The following SLMAP variants were observed in gnomAD, a reference collection of about 807,000 sequenced individuals.
SLMAP encodes sarcolemmal membrane-associated protein.
Under a neutral mutation model 128.8 loss-of-function variants are expected in SLMAP, and 44 were observed. The observed-to-expected ratio is 0.34, with a 90% CI of 0.27 to 0.44. The LOEUF (loss-of-function observed/expected upper bound fraction) is 0.44. Among genes scored for constraint, SLMAP ranks in the 20% least tolerant of loss-of-function variants. SLMAP has a pLI of 1.00. For missense variants in SLMAP, 787 were observed against 985.3 expected, an observed-to-expected ratio of 0.80 and a Z score of 2.69; for synonymous variants, 327 against 348.8, an observed-to-expected ratio of 0.94 and a Z score of 0.70.
intron 2 of SLMAP, among the ~76,000 whole-genome samples, chr3:57,803,031 A>G (rs535155532): frequency 2.4e-4 from 37 of 152,346 alleles, no homozygotes; most frequent in Non-Finnish European, 4.4e-5. Flanking sequence ...GAAAAGTTCT[A>G]AACTATGCAG....
chr3:57,864,841 A>T lies in SLMAP; in HGVS notation c.1170A>T (p.Lys390Asn), dbSNP rs2095249790. 1 of 1,582,774 alleles carries T rather than the reference A, an allele frequency of 6.3e-7. No homozygotes were observed. Among genetic ancestry groups the T allele is most frequent in the Non-Finnish European group, 8.6e-7 (1 of 1,166,028 alleles). Residue 390 changes from lysine to asparagine, a missense_variant, in exon 12 of 25, where the codon AAA (lysine) becomes AAT (asparagine). This residue lies in a region of SLMAP where 715 missense variants were observed against 843.6 expected (regional missense o/e 0.85). Transcript: ENST00000671191. ...AACATCTTCAGGAGAAAACTCTTAA[A>T]GAATGCAGCAGCTTGGGTAGGTGGC... Reference protein sequence around the residue: ...RLEHLQEKTLKECSSLGIQVD... With the variant: ...RLEHLQEKTLNECSSLGIQVD...
intron 2 of SLMAP, among the ~76,000 whole-genome samples, chr3:57,817,852 T>G (rs2092054297): frequency 6.6e-6 from 1 of 152,200 alleles, no homozygotes; most frequent in Non-Finnish European, 1.5e-5. Context: ...TGAAAGAAAT[T>G]TTTAAAAGCT....
intron 3 of SLMAP, among the ~76,000 whole-genome samples, chr3:57,832,664 T>C (rs954669121): frequency 1.3e-5 from 2 of 152,122 alleles, no homozygotes; most frequent in African/African-American, 4.8e-5. Context: ...GTAGAGATGG[T>C]GATGGTGGTG....
intron 2 of SLMAP, among the ~76,000 whole-genome samples, chr3:57,779,242 T>TCA (rs2082509880): frequency 6.6e-6 from 1 of 152,152 alleles, no homozygotes; most frequent in African/African-American, 2.4e-5. Context: ...GCGCAGTGGC[T>TCA]CACACTTGTA....
intron 14 of SLMAP, among the ~76,000 whole-genome samples, chr3:57,878,945 C>G (rs2095664228): frequency 1.3e-5 from 2 of 152,322 alleles, no homozygotes; most frequent in African/African-American, 4.8e-5. Flanking sequence ...CCCTAGGAAA[C>G]TGACATCAGT....
At chr3:57,780,854 G>T (rs1160929808) in intron 2 of SLMAP, among the ~76,000 whole-genome samples, 1 of 151,752 alleles carries the variant, frequency 6.6e-6, no homozygotes, top group Non-Finnish European at 1.5e-5. Flanking sequence ...TGTTGCCCAG[G>T]CTGGTCTTGA....
At chr3:57,809,864 G>T (rs999543652) in intron 2 of SLMAP, among the ~76,000 whole-genome samples, 19 of 152,186 alleles carry the variant, frequency 1.2e-4, no homozygotes, top group Non-Finnish European at 2.6e-4. Context: ...TCTTTGCCTT[G>T]CTCACCCTCC....
Position 57,808,875 on chromosome 3 carries a change from T to C in SLMAP, c.199-22508T>C, listed in dbSNP as rs143042791. Reference sequence around the variant, plus strand: ...GGGTGTTAAAGTCTCCCACTATTATTATGTAGCAGTCTAAGTCTCTTTGTA... The same window carrying C: ...GGGTGTTAAAGTCTCCCACTATTATCATGTAGCAGTCTAAGTCTCTTTGTA... On this transcript the variant is annotated intron_variant, in intron 2 of 24. Transcript: ENST00000671191. Among the ~76,000 whole-genome samples, 115 of 152,348 alleles carry C rather than the reference T, an allele frequency of 7.5e-4. 1 individual carries two copies. Among genetic ancestry groups the C allele is most frequent in the African/African-American group, 2.3e-3 (95 of 41,568 alleles).
At position 57,893,448 on chromosome 3, in the gene SLMAP, A is replaced by G. The variant is rs143414490; in HGVS notation, c.1361-3063A>G. Among the ~76,000 whole-genome samples, 625 of 151,478 alleles carry G rather than the reference A, an allele frequency of 4.1e-3. 6 individuals carry two copies. Among genetic ancestry groups the G allele is most frequent in the African/African-American group, 0.015 (606 of 41,350 alleles). On this transcript the variant is annotated intron_variant, in intron 15 of 24. Coordinates refer to ENST00000671191, the MANE Select transcript of SLMAP (RefSeq NM_001377540.1). ...GAAAAATAAAAAAGAAAGAAAAGAA[A>G]AAAAAAAAAACAGGCAATCTCTGCC...
chr3:57,897,845 A>G (rs904672629), intron 17 of SLMAP: 1 of 152,256 alleles, frequency 6.6e-6, no homozygotes, highest in Non-Finnish European at 1.5e-5. Context: ...ATCAGCATTT[A>G]TAAAAATGTT....
At chr3:57,876,760 C>T (rs1290028825) in intron 14 of SLMAP, among the ~76,000 whole-genome samples, 2 of 152,192 alleles carry the variant, frequency 1.3e-5, no homozygotes, top group Admixed American at 1.3e-4. Context: ...ACTTGATTAA[C>T]TTGTACGCGT....
At chr3:57,885,771 CTTTTTTTTTTTTTTTTT>C (rs35541333) in intron 14 of SLMAP, among the ~76,000 whole-genome samples, 1,100 of 53,692 alleles carry the variant, frequency 0.02, 26 homozygotes, top group African/African-American at 0.083. Flanking sequence ...GTTTTTGGTT[CTTTTTTTTTTTTTTTTT>C]TTTTTTTTTT....
Position 57,820,057 on chromosome 3 carries a change from A to T in SLMAP, c.199-11326A>T, listed in dbSNP as rs1002134049. Reference sequence around the variant, plus strand: ...TGAGCCACTGTGCCTGGTCTGTGTGAGGGTTTTTAACAGAGATAAAGAGTG... The same window carrying T: ...TGAGCCACTGTGCCTGGTCTGTGTGTGGGTTTTTAACAGAGATAAAGAGTG... On this transcript the variant is annotated intron_variant, in intron 2 of 24. Transcript: ENST00000671191. 2.0e-5 allele frequency among the ~76,000 whole-genome samples: 3 copies of T among 152,150 alleles called. 1 individual carries two copies. The East Asian group carries it at 5.8e-4, about 29-fold the overall frequency.
At chr3:57,897,301 A>T in intron 17 of SLMAP, 1 of 308,732 alleles carries the variant, frequency 3.2e-6, no homozygotes, top group Non-Finnish European at 5.6e-6. Flanking sequence ...CTGTTATCAT[A>T]TGGTAGCAGT....
chr3:57,907,248 C>T (rs945129706), intron 17 of SLMAP, among the ~76,000 whole-genome samples: 5 of 151,772 alleles, frequency 3.3e-5, no homozygotes, highest in African/African-American at 1.2e-4. Context: ...AGGATGGTCT[C>T]GATCTCCTGA....
chr3:57,797,439 G>A (rs948029395), intron 2 of SLMAP, among the ~76,000 whole-genome samples: 24 of 150,280 alleles, frequency 1.6e-4, no homozygotes, highest in African/African-American at 4.4e-4. Context: ...AGCTAAGATC[G>A]CGCCATTGCA....
At chr3:57,771,088 C>T (rs953686541) in intron 2 of SLMAP, among the ~76,000 whole-genome samples, 1 of 151,838 alleles carries the variant, frequency 6.6e-6, no homozygotes, top group Non-Finnish European at 1.5e-5. Context: ...GTTGCTCAAC[C>T]TGTATTACTT....
intron 22 of SLMAP, chr3:57,917,350 C>A: frequency 1.6e-6 from 1 of 642,628 alleles, no homozygotes. Context: ...TCCTTTGTAC[C>A]AGGTCTCTTG....
chr3:57,908,906 T>C (rs1482548073), intron 18 of SLMAP, among the ~76,000 whole-genome samples, 170 bp from the exon 19 acceptor site: 1 of 152,248 alleles, frequency 6.6e-6, no homozygotes, highest in African/African-American at 2.4e-5. Flanking sequence ...AGTTCTGTGC[T>C]CCTAAAATCT....
Sources: allele counts gnomAD v4.1 joint callset (sites outside exome capture counted in the v4.1 genomes callset), GRCh38; gene constraint gnomAD v4.1.1; regional missense constraint gnomAD v4.1.1; transcripts MANE v1.5; gene names NCBI Gene and HGNC (gene_info 2026-07-23, HGNC 2026-07-21).